FAM76A: variants seen among roughly 807,000 people sequenced by gnomAD.
FAM76A encodes the protein protein FAM76A.
FAM76A carries 32 observed loss-of-function variants against 46.2 expected under a neutral mutation model. The observed-to-expected ratio is 0.69, with a 90% confidence interval of 0.52 to 0.93. FAM76A has a LOEUF of 0.93. FAM76A is among the 40% of genes least tolerant of loss of function. The pLI is 0.00. For missense variants in FAM76A, 274 were observed against 361.5 expected (o/e 0.76, Z 1.96); for synonymous variants, 137 against 127.0 (o/e 1.08, Z -0.53).
intron 4 of FAM76A, among the ~76,000 whole-genome samples, chr1:27,735,387 G>T (rs1256888615): frequency 1.3e-5 from 2 of 152,162 alleles, no homozygotes; most frequent in African/African-American, 4.8e-5. Flanking sequence ...CTCGTTCTCT[G>T]CTTTATTTCC....
chr1:27,727,194 A>G (rs868438074), intron 1 of FAM76A, among the ~76,000 whole-genome samples: 15 of 152,230 alleles, frequency 9.9e-5, no homozygotes, highest in South Asian at 8.3e-4. Context: ...CCTGGAATTC[A>G]GGGCTTCTGA....
chr1:27,746,839 G>A (rs2088249454), intron 5 of FAM76A, among the ~76,000 whole-genome samples: 1 of 152,166 alleles, frequency 6.6e-6, no homozygotes, highest in Non-Finnish European at 1.5e-5. Flanking sequence ...CGCTCTGGGA[G>A]GCCGAGGTGG....
Position 27,748,927 on chromosome 1 carries a change from G to A in FAM76A, c.513-141G>A, listed in dbSNP as rs1571491952. 1.4e-5 allele frequency: 8 copies of A among 562,442 alleles called. No homozygotes were observed. The East Asian group carries it at 2.5e-4, about 18-fold the overall frequency. 34.8% of individuals were successfully genotyped at this position (562,442 alleles called of 1,614,324 possible). A position where few individuals can be genotyped will look rare whatever the true frequency, so the allele number is the denominator to read the frequency against. ...GGCCTACAAAATCATCACCTTGGTA[G>A]ATTCTTTATTAATCAAGAATTATTA... On this transcript the variant is annotated intron_variant, in intron 5 of 8. Coordinates refer to ENST00000373954, the MANE Select transcript of FAM76A (RefSeq NM_152660.3).
At chr1:27,730,131 A>G (rs531490961) in intron 2 of FAM76A, 25 of 173,614 alleles carry the variant, frequency 1.4e-4, no homozygotes, top group Middle Eastern at 2.9e-3. Context: ...TATACATACA[A>G]ATTAATTCAA....
In FAM76A at chr1:27,734,021, C is replaced by G. The variant is rs777000417; in HGVS notation, c.202-10C>G. 2.6e-5 allele frequency: 42 copies of G among 1,592,746 alleles called. No individual in the cohort carries two copies. The highest frequency in any genetic ancestry group is 3.5e-5 in the Non-Finnish European group (41 of 1,174,754). The stretch of plus-strand genomic sequence containing the variant: ...GTAATACTTACTTGACTCTTTTTTC[C>G]CCTTTTAAGCCCAAACCTTGTCAGT... On this transcript the variant is annotated splice_polypyrimidine_tract_variant and intron_variant, in intron 3 of 8. Coordinates refer to ENST00000373954, the MANE Select transcript of FAM76A (RefSeq NM_152660.3).
chr1:27,740,592 G>A, intron 4 of FAM76A: 1 of 861,906 alleles, frequency 1.2e-6, no homozygotes, highest in Non-Finnish European at 1.9e-6. Context: ...AGAAATATAT[G>A]TTCAGAAGCC....
chr1:27,739,465 G>A (rs980735329), intron 4 of FAM76A: 36 of 441,840 alleles, frequency 8.1e-5, no homozygotes, highest in Non-Finnish European at 3.1e-5. Context: ...ATTATGTCTC[G>A]ATTTTCTGAT....
chr1:27,741,172 C>T (rs1010634834), intron 4 of FAM76A, among the ~76,000 whole-genome samples: 2 of 149,806 alleles, frequency 1.3e-5, no homozygotes, highest in African/African-American at 4.9e-5. Flanking sequence ...GTGAAATACC[C>T]AGTTTTTATT....
rs2088511429 is a variant in FAM76A at position 27,761,645 on chromosome 1, T to C, written c.*1064T>C. On this transcript the variant is annotated 3_prime_UTR_variant, in exon 9 of 9. Transcript: ENST00000373954. ...TGGGCTGCTGTCAGAGAATGTTTTT[T>C]TACATGAATGAACAGATTAAAAATG... The C allele has an allele frequency of 6.6e-6, 1 of 152,614 alleles. No individual in the cohort carries two copies. The highest frequency in any genetic ancestry group is 6.6e-5 in the Admixed American group (1 of 15,254). The allele number at this position is 152,614 out of a possible 1,614,324, so 9.5% of individuals were successfully genotyped here. A position where few individuals can be genotyped will look rare whatever the true frequency, so the allele number is the denominator to read the frequency against.
intron 1 of FAM76A, among the ~76,000 whole-genome samples, chr1:27,726,442 C>T (rs573711305): frequency 6.6e-6 from 1 of 152,150 alleles, no homozygotes; most frequent in Non-Finnish European, 1.5e-5. Flanking sequence ...CCTGCTTGCC[C>T]TGACTGGTCG....
intron 4 of FAM76A, among the ~76,000 whole-genome samples, chr1:27,738,607 A>G (rs944123670): frequency 1.3e-5 from 2 of 152,204 alleles, no homozygotes; most frequent in Non-Finnish European, 2.9e-5. Context: ...AAAAAATTAA[A>G]TGCCTATCAT....
rs1345358205 is a variant in FAM76A, at chr1:27,755,201, C to T, written c.606C>T (p.Ser202=). The T allele has an allele frequency of 1.9e-6, 3 of 1,613,908 alleles. No individual in the cohort carries two copies. Among genetic ancestry groups the T allele is most frequent in the African/African-American group, 2.7e-5 (2 of 74,888 alleles). Residue 202 remains serine, a synonymous_variant, in exon 7 of 9, where the codon TCC becomes TCT. Coordinates refer to ENST00000373954, the MANE Select transcript of FAM76A (RefSeq NM_152660.3). The stretch of plus-strand genomic sequence containing the variant: ...CCCTGATTTTTAAATTTAGCTTCTC[C>T]CCAGACCTGGCTCTGGACTCACCAG... ...ESITTNGDSF[S]PDLALDSPGT... is the part of the protein sequence containing the mutation.
At chr1:27,732,691 A>G (rs2087980538) in intron 3 of FAM76A, 34 bp downstream of exon 3, 1 of 1,552,078 alleles carries the variant, frequency 6.4e-7, no homozygotes, top group African/African-American at 1.4e-5. Context: ...AACAGTGAGT[A>G]CTAGGGTCTT....
intron 4 of FAM76A, among the ~76,000 whole-genome samples, chr1:27,744,416 C>T (rs994695961): frequency 1.3e-5 from 2 of 152,126 alleles, no homozygotes; most frequent in Admixed American, 1.3e-4. Context: ...TATGAGCCAC[C>T]GCGCCCGGCC....
chr1:27,746,802 T>C (rs934271322), intron 5 of FAM76A, among the ~76,000 whole-genome samples: 1 of 152,032 alleles, frequency 6.6e-6, no homozygotes, highest in African/African-American at 2.4e-5. Context: ...GCCAGATACA[T>C]TGGCTGGCTT....
intron 6 of FAM76A, among the ~76,000 whole-genome samples, chr1:27,754,621 T>A (rs1364286941): frequency 1.3e-5 from 2 of 152,168 alleles, no homozygotes; most frequent in African/African-American, 4.8e-5. Context: ...CCATTTGTAG[T>A]GTAGGGGAAG....
rs1196129217 is a variant in FAM76A, at chr1:27,760,395, C to T, written c.838-100C>T. ...TAGAATTGTTCATCTCTTTCTGACCCTCCACATTGTCTGCCTTAGCATCTG... is the reference window on the plus strand; with the variant it reads ...TAGAATTGTTCATCTCTTTCTGACCTTCCACATTGTCTGCCTTAGCATCTG... On this transcript the variant is annotated intron_variant, in intron 8 of 8. Transcript: ENST00000373954. The T allele has an allele frequency of 3.5e-6, 3 of 868,190 alleles. No individual in the cohort carries two copies. The African/African-American group carries it at 5.2e-5, about 15-fold the overall frequency. The allele number at this position is 868,190 out of a possible 1,614,324, so 53.8% of individuals were successfully genotyped here. A position where few individuals can be genotyped will look rare whatever the true frequency, so the allele number is the denominator to read the frequency against.
In FAM76A at chr1:27,726,125, C is replaced by G. The variant is rs1225100690; in HGVS notation, c.45C>G (p.Pro15=). Reference sequence around the variant, plus strand: ...GCACCAAGTGCCACCAGCGCTTCCCCTTCGAGGCGCTGTCTCAGGGGCAGC... The same window carrying G: ...GCACCAAGTGCCACCAGCGCTTCCCGTTCGAGGCGCTGTCTCAGGGGCAGC... The part of the protein sequence containing the change: ...YACTKCHQRF[P]FEALSQGQQL... Residue 15 remains proline, a synonymous_variant, in exon 1 of 9, where the codon CCC becomes CCG. Transcript: ENST00000373954. The G allele has an allele frequency of 7.6e-7, 1 of 1,309,252 alleles. No individual in the cohort carries two copies. Among genetic ancestry groups the G allele is most frequent in the Non-Finnish European group, 9.8e-7 (1 of 1,022,424 alleles). 81.1% of individuals were successfully genotyped at this position (1,309,252 alleles called of 1,614,324 possible).
At chr1:27,744,856 C>T in intron 5 of FAM76A, 45 bp downstream of exon 5, 2 of 1,576,140 alleles carry the variant, frequency 1.3e-6, no homozygotes, top group Non-Finnish European at 1.7e-6. Flanking sequence ...GCTGGTAGGT[C>T]AGATGTAATG....
Sources: allele counts gnomAD v4.1 joint callset (sites outside exome capture counted in the v4.1 genomes callset), GRCh38; gene constraint gnomAD v4.1.1; transcripts MANE v1.5; gene names NCBI Gene and HGNC (gene_info 2026-07-23, HGNC 2026-07-21).